The following MIR2052HG variants were observed in gnomAD, a reference collection of about 807,000 sequenced individuals.
The protein encoded by MIR2052HG is MIR2052 host gene.
intron 2 of MIR2052HG, among the ~76,000 whole-genome samples, chr8:74,653,023 C>A (rs1243390465): frequency 2.0e-5 from 3 of 152,160 alleles, no homozygotes; most frequent in African/African-American, 7.2e-5. Flanking sequence ...TTTATCCTTA[C>A]CTTATTCTGT....
At chr8:74,693,726 G>A (rs1462466056) in intron 2 of MIR2052HG, among the ~76,000 whole-genome samples, 1 of 151,992 alleles carries the variant, frequency 6.6e-6, no homozygotes, top group Non-Finnish European at 1.5e-5. Flanking sequence ...GTATGACACA[G>A]CGAGGGTGTC....
chr8:74,636,139 G>T (rs1240082702), intron 2 of MIR2052HG, among the ~76,000 whole-genome samples: 1 of 152,076 alleles, frequency 6.6e-6, no homozygotes, highest in African/African-American at 2.4e-5. Flanking sequence ...AGCCACGCTT[G>T]GCCTCAGTGT....
chr8:74,655,693 G>T (rs527689822), intron 2 of MIR2052HG, among the ~76,000 whole-genome samples: 4 of 152,324 alleles, frequency 2.6e-5, no homozygotes, highest in African/African-American at 9.6e-5. Context: ...CTCTGCTAGG[G>T]CAGTGCAGAA....
intron 2 of MIR2052HG, among the ~76,000 whole-genome samples, chr8:74,695,248 A>G (rs1376834141): frequency 1.3e-5 from 2 of 152,166 alleles, no homozygotes; most frequent in Non-Finnish European, 1.5e-5. Flanking sequence ...TGTTTTTCAG[A>G]CAAGCAAATG....
intron 4 of MIR2052HG, among the ~76,000 whole-genome samples, chr8:74,744,968 C>T (rs572515838): frequency 5.3e-5 from 8 of 152,170 alleles, no homozygotes; most frequent in Admixed American, 1.3e-4. Flanking sequence ...CAATAGTTTA[C>T]GACCTCATTA....
chr8:74,748,560 C>T (rs1236778970), intron 4 of MIR2052HG, among the ~76,000 whole-genome samples: 1 of 152,112 alleles, frequency 6.6e-6, no homozygotes, highest in Non-Finnish European at 1.5e-5. Flanking sequence ...TTAAGTATGG[C>T]TTTTTGGATT....
intron 1 of MIR2052HG, among the ~76,000 whole-genome samples, chr8:74,602,869 CTTTCTTT>C (rs984362206): frequency 8.1e-5 from 12 of 147,484 alleles, no homozygotes; most frequent in African/African-American, 2.5e-4. Flanking sequence ...TTCTTTCTTT[CTTTCTTT>C]TTTCTATTCA....
chr8:74,617,780 C>T (rs1201394290), intron 2 of MIR2052HG, among the ~76,000 whole-genome samples: 2 of 152,134 alleles, frequency 1.3e-5, no homozygotes, highest in African/African-American at 4.8e-5. Context: ...TGAAAATCTC[C>T]ATAGTGTTCC....
At chr8:74,638,005 T>C (rs192165976) in intron 2 of MIR2052HG, among the ~76,000 whole-genome samples, 38 of 152,262 alleles carry the variant, frequency 2.5e-4, no homozygotes, top group South Asian at 8.3e-4. Context: ...TTGATAGATA[T>C]TTACAAGTAA....
At chr8:74,697,403 T>C (rs1809310031) in intron 2 of MIR2052HG, among the ~76,000 whole-genome samples, 2 of 152,128 alleles carry the variant, frequency 1.3e-5, no homozygotes, top group South Asian at 4.1e-4. Flanking sequence ...AGCATTCCCC[T>C]GAGAACTGGA....
chr8:74,643,048 G>A (rs960681807), intron 2 of MIR2052HG, among the ~76,000 whole-genome samples: 10 of 152,120 alleles, frequency 6.6e-5, no homozygotes, highest in Admixed American at 6.6e-5. Context: ...ATTCGTATGA[G>A]TTACCTTACA....
intron 2 of MIR2052HG, among the ~76,000 whole-genome samples, chr8:74,691,022 G>A (rs751437365): frequency 6.6e-6 from 1 of 152,092 alleles, no homozygotes; most frequent in Non-Finnish European, 1.5e-5. Flanking sequence ...TTATTGGGTC[G>A]AGAACGTAAA....
rs568665067 is a variant in MIR2052HG at position 74,640,287 on chromosome 8, G to A, written n.216+27347G>A. ...TTAAAACTATCCTGGCCAATATGGT[G>A]AAACCCCGTCTCTACTAAAAAAAAA... On this transcript the variant is annotated intron_variant and non_coding_transcript_variant, in intron 2 of 6. Coordinates refer to ENST00000523442, the Ensembl canonical transcript of MIR2052HG. 1.7e-3 allele frequency among the ~76,000 whole-genome samples: 258 copies of A among 151,818 alleles called. 1 individual carries two copies. The highest frequency in any genetic ancestry group is 2.9e-3 in the Non-Finnish European group (195 of 67,944).
chr8:74,621,014 C>G (rs1648109159), intron 2 of MIR2052HG, among the ~76,000 whole-genome samples: 1 of 152,230 alleles, frequency 6.6e-6, no homozygotes, highest in Admixed American at 6.5e-5. Context: ...CCACAGATCT[C>G]TAGGGCAGAA....
At chr8:74,689,355 A>T (rs529518014) in intron 2 of MIR2052HG, among the ~76,000 whole-genome samples, 1 of 152,126 alleles carries the variant, frequency 6.6e-6, no homozygotes, top group South Asian at 2.1e-4. Context: ...ATTCTTCTCT[A>T]TTTTTCTTTT....
chr8:74,631,052 T>A (rs1377099938), intron 2 of MIR2052HG, among the ~76,000 whole-genome samples: 4 of 152,182 alleles, frequency 2.6e-5, no homozygotes, highest in African/African-American at 7.2e-5. Context: ...GATGATAGGG[T>A]TTCTCTGAGT....
At chr8:74,693,947 C>A (rs574922063) in intron 2 of MIR2052HG, among the ~76,000 whole-genome samples, 1 of 152,232 alleles carries the variant, frequency 6.6e-6, no homozygotes, top group Admixed American at 6.5e-5. Flanking sequence ...AACTGAGAAA[C>A]CCAAATATTT....
At position 74,722,576 on chromosome 8, in the gene MIR2052HG, G is replaced by C. The variant is rs572498406; in HGVS notation, n.371+18894G>C. On this transcript the variant is annotated intron_variant and non_coding_transcript_variant, in intron 4 of 6. Coordinates refer to ENST00000523442, the Ensembl canonical transcript of MIR2052HG. ...CTCTTTTTCATAGAAATATTTTTGGGTTATTTTTATATCAACAGGATTTCT... is the reference window on the plus strand; with the variant it reads ...CTCTTTTTCATAGAAATATTTTTGGCTTATTTTTATATCAACAGGATTTCT... Among the ~76,000 whole-genome samples, 3 of 151,958 alleles carry C rather than the reference G, an allele frequency of 2.0e-5. No homozygotes were observed. In the East Asian group the frequency reaches 5.8e-4, roughly 29 times the overall value.
At chr8:74,648,947 G>C (rs1027897870) in intron 2 of MIR2052HG, among the ~76,000 whole-genome samples, 7 of 151,976 alleles carry the variant, frequency 4.6e-5, no homozygotes, top group Non-Finnish European at 7.4e-5. Flanking sequence ...TGGCCTCTTA[G>C]GAAAGAAAGG....
Sources: gnomAD v4.1 joint callset for allele counts (sites outside exome capture counted in the v4.1 genomes callset) on GRCh38, gnomAD v4.1.1 for gene constraint, MANE v1.5 for transcripts, NCBI Gene and HGNC (gene_info 2026-07-23, HGNC 2026-07-21) for gene names.